Variants in MEI4 observed in about 807,000 individuals in gnomAD.
The protein encoded by MEI4 is meiotic double-stranded break formation protein 4.
A neutral mutation model predicts 31.4 loss-of-function variants in MEI4; 27 were observed. The observed-to-expected ratio is 0.86, with a 90% CI of 0.63 to 1.19. MEI4 has a LOEUF of 1.19. Ranked by LOEUF, MEI4 falls within the 50% of genes most tolerant of loss-of-function variation. The pLI, the probability that MEI4 is intolerant of heterozygous loss-of-function variation, is 0.00. For missense variants in MEI4, 329 were observed against 398.9 expected (o/e 0.82, Z 1.49); for synonymous variants, 122 against 145.4 (o/e 0.84, Z 1.16).
chr6:77,803,047 G>C (rs1561995420), intron 3 of MEI4, among the ~76,000 whole-genome samples: 1 of 152,150 alleles, frequency 6.6e-6, no homozygotes. Flanking sequence ...AGTTCTCCTG[G>C]ATAATATCCT....
intron 4 of MEI4, among the ~76,000 whole-genome samples, chr6:77,850,806 A>G (rs1213409444): frequency 6.6e-6 from 1 of 152,178 alleles, no homozygotes; most frequent in African/African-American, 2.4e-5. Context: ...TAAACTGAAG[A>G]GCTTCTGCAC....
intron 4 of MEI4, among the ~76,000 whole-genome samples, chr6:77,831,243 A>T (rs993218463): frequency 2.0e-5 from 3 of 151,886 alleles, no homozygotes; most frequent in Non-Finnish European, 4.4e-5. Context: ...TAAAAAGACA[A>T]ATAGTAACAA....
At chr6:77,673,724 G>A (rs957689981) in intron 1 of MEI4, among the ~76,000 whole-genome samples, 1 of 152,162 alleles carries the variant, frequency 6.6e-6, no homozygotes, top group Admixed American at 6.5e-5. Context: ...GGATGAAATG[G>A]TTAGGGAAGA....
intron 3 of MEI4, among the ~76,000 whole-genome samples, chr6:77,773,149 A>G (rs1768358271): frequency 6.6e-6 from 1 of 152,034 alleles, no homozygotes; most frequent in Non-Finnish European, 1.5e-5. Flanking sequence ...TGTAATCGCT[A>G]TCAAAATACT....
intron 4 of MEI4, among the ~76,000 whole-genome samples, chr6:77,911,630 C>A (rs1766436797): frequency 6.6e-6 from 1 of 151,242 alleles, no homozygotes; most frequent in Non-Finnish European, 1.5e-5. Flanking sequence ...TGCACTGCTG[C>A]AAAAGACATG....
At chr6:77,754,748 A>C (rs1037096855) in intron 2 of MEI4, among the ~76,000 whole-genome samples, 3 of 152,168 alleles carry the variant, frequency 2.0e-5, no homozygotes, top group African/African-American at 4.8e-5. Flanking sequence ...GGAACCCACA[A>C]TCATGGTGGA....
At chr6:77,786,248 G>T (rs975487491) in intron 3 of MEI4, among the ~76,000 whole-genome samples, 1 of 152,136 alleles carries the variant, frequency 6.6e-6, no homozygotes, top group Admixed American at 6.5e-5. Flanking sequence ...TTGAGTGACT[G>T]TCATGGTAAC....
intron 2 of MEI4, among the ~76,000 whole-genome samples, chr6:77,757,469 C>G (rs571474399): frequency 6.6e-6 from 1 of 152,250 alleles, no homozygotes; most frequent in East Asian, 1.9e-4. Flanking sequence ...ATTCCTGTCC[C>G]CATAGCATAC....
chr6:77,872,896 C>T (rs899541699), intron 4 of MEI4, among the ~76,000 whole-genome samples: 1 of 151,594 alleles, frequency 6.6e-6, no homozygotes, highest in African/African-American at 2.4e-5. Flanking sequence ...CATGTCCCTA[C>T]AAAGGACATG....
chr6:77,802,452 A>G (rs560989141), intron 3 of MEI4, among the ~76,000 whole-genome samples: 5 of 152,094 alleles, frequency 3.3e-5, no homozygotes, highest in African/African-American at 1.2e-4. Context: ...TTTTAATTGG[A>G]GCATTTAGCC....
intron 3 of MEI4, among the ~76,000 whole-genome samples, chr6:77,794,379 C>T (rs182748143): frequency 1.8e-4 from 27 of 152,140 alleles, no homozygotes; most frequent in Admixed American, 2.6e-4. Context: ...CTGGCTAACA[C>T]GGTGAAATCC....
At chr6:77,752,290 A>C (rs185446463) in intron 2 of MEI4, among the ~76,000 whole-genome samples, 146 of 152,316 alleles carry the variant, frequency 9.6e-4, no homozygotes, top group African/African-American at 2.3e-3. Context: ...AGGAGAAAGA[A>C]ATAAAGGGTA....
At chr6:77,698,042 A>C (rs532867166) in intron 2 of MEI4, among the ~76,000 whole-genome samples, 24 of 152,094 alleles carry the variant, frequency 1.6e-4, no homozygotes, top group African/African-American at 5.5e-4. Flanking sequence ...GTGTCTTTTG[A>C]TCTTTGTTGG....
At chr6:77,920,947 A>G (rs945543910) in intron 4 of MEI4, among the ~76,000 whole-genome samples, 8 of 151,898 alleles carry the variant, frequency 5.3e-5, no homozygotes, top group African/African-American at 1.7e-4. Context: ...TAGATTTAGC[A>G]TAATAAATAC....
intron 2 of MEI4, among the ~76,000 whole-genome samples, chr6:77,712,662 A>G (rs1766492373): frequency 6.6e-6 from 1 of 152,176 alleles, no homozygotes; most frequent in Non-Finnish European, 1.5e-5. Flanking sequence ...GCATGTATAA[A>G]TTAATGAAGA....
At chr6:77,654,418 C>T in intron 1 of MEI4, among the ~76,000 whole-genome samples, 1 of 151,788 alleles carries the variant, frequency 6.6e-6, no homozygotes, top group East Asian at 1.9e-4. Flanking sequence ...TTCAGATTTT[C>T]AGGTTCTCTG....
At chr6:77,737,496 C>T (rs1038577349) in intron 2 of MEI4, among the ~76,000 whole-genome samples, 2 of 152,106 alleles carry the variant, frequency 1.3e-5, no homozygotes, top group Non-Finnish European at 2.9e-5. Flanking sequence ...TTCCTAAGGG[C>T]ATGGACAGAA....
intron 3 of MEI4, among the ~76,000 whole-genome samples, chr6:77,797,568 G>A (rs1769113785): frequency 1.3e-5 from 2 of 152,126 alleles, no homozygotes; most frequent in South Asian, 4.1e-4. Context: ...CCTTCAGTCT[G>A]TAGTCAAAGG....
At chr6:77,728,955 C>T (rs1475261666) in intron 2 of MEI4, among the ~76,000 whole-genome samples, 1 of 152,058 alleles carries the variant, frequency 6.6e-6, no homozygotes, top group Non-Finnish European at 1.5e-5. Context: ...AGAACTGTGC[C>T]CATAAGGGAG....
Sources: gnomAD v4.1 joint callset for allele counts (sites outside exome capture counted in the v4.1 genomes callset) on GRCh38, gnomAD v4.1.1 for gene constraint, MANE v1.5 for transcripts, NCBI Gene and HGNC (gene_info 2026-07-23, HGNC 2026-07-21) for gene names.